The following DKK2 variants were observed in gnomAD, a reference collection of about 807,000 sequenced individuals.
DKK2 encodes dickkopf Wnt signaling pathway inhibitor 2.
Under a neutral mutation model 28.1 loss-of-function variants are expected in DKK2, and 11 were observed. The ratio of observed to expected loss-of-function variants is 0.39; its 90% confidence interval spans 0.25 to 0.65. DKK2 has a LOEUF of 0.65. DKK2 is among the 30% of genes least tolerant of loss of function. The pLI is 0.47. For synonymous variants in DKK2, 135 were observed against 126.5 expected (o/e 1.07, Z -0.45); for missense variants, 326 against 335.5 (o/e 0.97, Z 0.22).
rs1724384638 is a variant in DKK2 at position 106,923,901 on chromosome 4, G to T, written c.*53C>A. On this transcript the variant is annotated 3_prime_UTR_variant, in exon 4 of 4. Transcript: ENST00000285311. ...ACCTTATTTTCCACCATGCTATAAT[G>T]CATTAAATACACAACTTCACAGTCT... is the stretch of plus-strand genomic sequence containing the variant. The T allele has an allele frequency of 1.3e-6, 2 of 1,599,392 alleles. No homozygotes were observed. Among genetic ancestry groups the T allele is most frequent in the South Asian group, 1.1e-5 (1 of 90,206 alleles).
At chr4:106,933,105 T>G (rs1014927460) in intron 1 of DKK2, among the ~76,000 whole-genome samples, 2 of 152,196 alleles carry the variant, frequency 1.3e-5, no homozygotes, top group Admixed American at 6.5e-5. Flanking sequence ...AGATTCTATT[T>G]CTAGAAGACT....
intron 1 of DKK2, among the ~76,000 whole-genome samples, chr4:106,981,028 A>G (rs1427951879): frequency 2.0e-5 from 3 of 152,184 alleles, no homozygotes; most frequent in African/African-American, 7.2e-5. Context: ...ACTGCTGCCC[A>G]AATGAAAAAG....
intron 1 of DKK2, 43 bp from the exon 2 acceptor site, chr4:106,925,992 G>C (rs757143676): frequency 7.4e-5 from 114 of 1,550,238 alleles, no homozygotes; most frequent in East Asian, 5.5e-4. Flanking sequence ...GGATTAGATC[G>C]TGTTTCACTT....
intron 1 of DKK2, among the ~76,000 whole-genome samples, chr4:106,967,459 GA>G (rs1199467689): frequency 6.6e-6 from 1 of 152,122 alleles, no homozygotes; most frequent in Non-Finnish European, 1.5e-5. Flanking sequence ...TGTGGCTGGA[GA>G]AAGCCTGGGG....
At chr4:106,983,352 G>GAA (rs1479765461) in intron 1 of DKK2, among the ~76,000 whole-genome samples, 2 of 136,328 alleles carry the variant, frequency 1.5e-5, no homozygotes, top group Non-Finnish European at 3.2e-5. Context: ...AAGAAAGAAA[G>GAA]AAAGAAAGAA....
chr4:106,947,705 T>C (rs1440616759), intron 1 of DKK2, among the ~76,000 whole-genome samples: 1 of 151,088 alleles, frequency 6.6e-6, no homozygotes, highest in African/African-American at 2.4e-5. Flanking sequence ...GATGGATTCA[T>C]GCTCTGTCAC....
chr4:107,034,584 G>T (rs1230473220), intron 1 of DKK2, among the ~76,000 whole-genome samples: 2 of 152,130 alleles, frequency 1.3e-5, no homozygotes. Flanking sequence ...TCTCAAAAAC[G>T]CCTTCAGTGT....
intron 1 of DKK2, among the ~76,000 whole-genome samples, chr4:106,974,053 A>G (rs1560583675): frequency 6.6e-6 from 1 of 151,852 alleles, no homozygotes; most frequent in Non-Finnish European, 1.5e-5. Context: ...ATTGTCATAG[A>G]TGTGTGGTGT....
At chr4:106,965,007 T>TA (rs35161719) in intron 1 of DKK2, among the ~76,000 whole-genome samples, 11,562 of 125,840 alleles carry the variant, frequency 0.092, 526 homozygotes, top group African/African-American at 0.14. Context: ...ATAGATAGAT[T>TA]GATTGATTCT....
chr4:106,994,059 G>T (rs1213662360), intron 1 of DKK2, among the ~76,000 whole-genome samples: 1 of 152,200 alleles, frequency 6.6e-6, no homozygotes, highest in Non-Finnish European at 1.5e-5. Flanking sequence ...TCTAGCGGTT[G>T]AAGTAATTCG....
At chr4:107,026,675 T>C (rs557062218) in intron 1 of DKK2, among the ~76,000 whole-genome samples, 26 of 152,278 alleles carry the variant, frequency 1.7e-4, no homozygotes, top group African/African-American at 6.0e-4. Context: ...TCAGACTTGA[T>C]TGTTATAGCT....
At chr4:107,005,910 T>A (rs956163257) in intron 1 of DKK2, among the ~76,000 whole-genome samples, 1 of 152,202 alleles carries the variant, frequency 6.6e-6, no homozygotes. Flanking sequence ...GGTTTCTAGA[T>A]CTGACAGTAC....
chr4:106,941,411 T>G (rs986970009), intron 1 of DKK2, among the ~76,000 whole-genome samples: 2 of 152,178 alleles, frequency 1.3e-5, no homozygotes, highest in African/African-American at 4.8e-5. Context: ...TTATCTCATA[T>G]AATCAGTTCT....
At chr4:106,942,921 G>A (rs1724722473) in intron 1 of DKK2, among the ~76,000 whole-genome samples, 3 of 152,060 alleles carry the variant, frequency 2.0e-5, no homozygotes, top group Admixed American at 6.6e-5. Context: ...TTAATATGCT[G>A]TATAAACCCT....
chr4:106,941,618 T>C (rs1256149342), intron 1 of DKK2, among the ~76,000 whole-genome samples: 1 of 152,178 alleles, frequency 6.6e-6, no homozygotes. Context: ...AAGTACACTA[T>C]ATTGTCCTTC....
chr4:106,981,621 A>G (rs1723027890), intron 1 of DKK2, among the ~76,000 whole-genome samples: 1 of 152,108 alleles, frequency 6.6e-6, no homozygotes, highest in African/African-American at 2.4e-5. Flanking sequence ...TGAGCCTTTC[A>G]TAGGGCAATC....
intron 1 of DKK2, among the ~76,000 whole-genome samples, chr4:106,950,066 A>G (rs940871239): frequency 4.6e-5 from 7 of 152,194 alleles, no homozygotes; most frequent in Admixed American, 1.3e-4. Flanking sequence ...TTCACAATTC[A>G]GTTACAAACT....
chr4:107,025,979 G>C (rs941676331), intron 1 of DKK2, among the ~76,000 whole-genome samples: 1 of 152,202 alleles, frequency 6.6e-6, no homozygotes, highest in Non-Finnish European at 1.5e-5. Flanking sequence ...AGAAGTCAGA[G>C]GATGCAAGTT....
At chr4:106,981,146 A>G (rs1723022631) in intron 1 of DKK2, among the ~76,000 whole-genome samples, 2 of 152,242 alleles carry the variant, frequency 1.3e-5, no homozygotes, top group East Asian at 3.9e-4. Context: ...AGGTCAACCT[A>G]TATGGGGGAG....
Sources: allele counts gnomAD v4.1 joint callset (sites outside exome capture counted in the v4.1 genomes callset), GRCh38; gene constraint gnomAD v4.1.1; transcripts MANE v1.5; gene names NCBI Gene and HGNC (gene_info 2026-07-23, HGNC 2026-07-21).